The following IFI44 variants were observed in gnomAD, a reference collection of about 807,000 sequenced individuals.
IFI44 encodes interferon-induced protein 44.
In IFI44, 42 loss-of-function variants were observed where a neutral mutation model predicts 45.0. The observed-to-expected ratio is 0.93, with a 90% CI of 0.73 to 1.21. The LOEUF is 1.21. Ranked by LOEUF, IFI44 falls within the 50% of genes most tolerant of loss-of-function variation. IFI44 has a pLI of 0.00. For synonymous variants in IFI44, 221 were observed against 188.6 expected, an observed-to-expected ratio of 1.17 and a Z score of -1.41; for missense variants, 623 against 525.8, an observed-to-expected ratio of 1.18 and a Z score of -1.81.
chr1:78,661,454 T>A (rs1248330515), intron 7 of IFI44, among the ~76,000 whole-genome samples: 1 of 152,074 alleles, frequency 6.6e-6, no homozygotes, highest in Non-Finnish European at 1.5e-5. Context: ...TACACTGACA[T>A]GGGTAAGTTC....
intron 3 of IFI44, among the ~76,000 whole-genome samples, chr1:78,654,558 A>G (rs1397050962): frequency 6.6e-6 from 1 of 152,074 alleles, no homozygotes; most frequent in East Asian, 1.9e-4. Flanking sequence ...TTAATATTTC[A>G]ACTACTCTAG....
chr1:78,653,436 A>G (rs1022149969), intron 2 of IFI44, among the ~76,000 whole-genome samples: 2 of 152,154 alleles, frequency 1.3e-5, no homozygotes, highest in African/African-American at 2.4e-5. Flanking sequence ...TGAAGTTTTC[A>G]TAATTTCTAC....
chr1:78,654,274 C>T lies in IFI44; in HGVS notation c.489C>T (p.Val163=), dbSNP rs1211868868. The change falls in exon 3 of 9, where the codon GTC becomes GTT. Residue 163 remains valine (V), a synonymous_variant. Coordinates refer to ENST00000370747, the MANE Select transcript of IFI44 (RefSeq NM_006417.5). ...DSLDERKIKG[V]IELRKSLLSA... Reference sequence around the variant, plus strand: ...TGGATGAAAGAAAGATAAAAGGGGTCATTGAGTAAGTCAATGTTTTTAAGA... The same window carrying T: ...TGGATGAAAGAAAGATAAAAGGGGTTATTGAGTAAGTCAATGTTTTTAAGA... 6 of 1,470,760 alleles carry T rather than the reference C, an allele frequency of 4.1e-6. No individual in the cohort carries two copies. Among genetic ancestry groups the T allele is most frequent in the Admixed American group, 1.7e-5 (1 of 59,436 alleles). 91.1% of individuals were successfully genotyped at this position (1,470,760 alleles called of 1,614,324 possible).
At chr1:78,660,680 A>G (rs1647399428) in intron 7 of IFI44, 26 bp downstream of exon 7, 2 of 1,426,440 alleles carry the variant, frequency 1.4e-6, no homozygotes, top group Non-Finnish European at 2.0e-6. Flanking sequence ...CTTCGTAAAC[A>G]CATTTTCTGG....
intron 2 of IFI44, among the ~76,000 whole-genome samples, chr1:78,651,422 G>A (rs1487694678): frequency 1.3e-5 from 2 of 151,958 alleles, no homozygotes; most frequent in Non-Finnish European, 2.9e-5. Context: ...ATCTAATTCC[G>A]CCACCGATCT....
intron 6 of IFI44, 86 bp downstream of exon 6, chr1:78,659,569 A>C (rs1647335467): frequency 2.0e-6 from 2 of 1,021,348 alleles, no homozygotes; most frequent in Non-Finnish European, 2.8e-6. Context: ...GGACAGGATA[A>C]AGAACTTAAG....
chr1:78,658,095 T>C (rs1368262678), intron 5 of IFI44, among the ~76,000 whole-genome samples: 4 of 152,080 alleles, frequency 2.6e-5, no homozygotes, highest in Admixed American at 6.6e-5. Flanking sequence ...AAAAATAAAT[T>C]ATAAACTTAT....
chr1:78,651,635 T>C (rs981002340), intron 2 of IFI44, among the ~76,000 whole-genome samples: 1 of 152,158 alleles, frequency 6.6e-6, no homozygotes, highest in Non-Finnish European at 1.5e-5. Flanking sequence ...GTACAGTAGA[T>C]CTCTGGGACT....
In IFI44 at chr1:78,659,379, G is replaced by T. The variant is rs141237245; in HGVS notation, c.908G>T (p.Arg303Ile). ...DYIDSPSLKD[R>I]IHCVAFVFDA... ...ATTGATTCCCCATCGCTGAAGGACA[G>T]AATTCATTGTGTGGCATTTGTATTT... The change falls in exon 6 of 9, where the codon AGA becomes ATA. Residue 303 changes from arginine (R) to isoleucine (I), a missense_variant. Physicochemically the swap from Arg to Ile is moderately conservative, Grantham distance 97. Transcript: ENST00000370747. The T allele has an allele frequency of 2.3e-4, 370 of 1,613,212 alleles. 2 individuals carry two copies. In the African/African-American group the frequency reaches 4.5e-3, roughly 19 times the overall value.
chr1:78,660,533 A>T lies in IFI44; in HGVS notation c.1013-21A>T, dbSNP rs779252152. ...ATACTGATGCTCTCTAAAATGATTT[A>T]AAAAATTCTGTTTGGCATAGGTGTG... On this transcript the variant is annotated intron_variant, in intron 6 of 8. Transcript: ENST00000370747. 1.7e-5 allele frequency: 27 copies of T among 1,558,702 alleles called. No individual in the cohort carries two copies. In the East Asian group the frequency reaches 1.8e-4, roughly 10 times the overall value.
intron 7 of IFI44, among the ~76,000 whole-genome samples, chr1:78,661,385 G>A (rs1358470378): frequency 6.6e-6 from 1 of 151,768 alleles, no homozygotes; most frequent in Non-Finnish European, 1.5e-5. Flanking sequence ...TTTTTTTTGA[G>A]CCTTAGTTGA....
Position 78,650,180 on chromosome 1 carries a change from C to T in IFI44, c.-10-6C>T. On this transcript the variant is annotated splice_region_variant and splice_polypyrimidine_tract_variant and intron_variant, in intron 1 of 8. Transcript: ENST00000370747. ...TTAATGGAAAATATATATGATTTGC[C>T]ACTAGATCAAGAAGTATGGCAGTGA... 1 of 1,562,518 alleles carries T rather than the reference C, an allele frequency of 6.4e-7. No individual in the cohort carries two copies. Among genetic ancestry groups the T allele is most frequent in the South Asian group, 1.2e-5 (1 of 84,076 alleles).
chr1:78,650,225 G>A lies in IFI44; in HGVS notation c.30G>A (p.Leu10=). ...CAGTGACAACTCGTTTGACATGGTT[G>A]CACGAAAAGATCCTGCAAAATCATT... MAVTTRLTW[L]HEKILQNHFG... The change falls in exon 2 of 9, where the codon TTG becomes TTA. Residue 10 remains leucine, a synonymous_variant. Transcript: ENST00000370747. 3 of 1,606,212 alleles carry A rather than the reference G, an allele frequency of 1.9e-6. No individual in the cohort carries two copies. The South Asian group carries it at 3.3e-5, about 18-fold the overall frequency.
intron 5 of IFI44, among the ~76,000 whole-genome samples, 165 bp downstream of exon 5, chr1:78,655,676 T>C (rs1401142442): frequency 2.6e-5 from 4 of 152,184 alleles, no homozygotes. Flanking sequence ...TCTTCCATCA[T>C]GGCTATCTTA....
chr1:78,660,916 T>C, intron 7 of IFI44: 1 of 445,960 alleles, frequency 2.2e-6, no homozygotes, highest in Non-Finnish European at 4.1e-6. Flanking sequence ...ATATAACCTA[T>C]GCACATCCTT....
chr1:78,655,484 GAACGGT>G lies in IFI44; in HGVS notation c.817_822del (p.Gly273_Asn274del). The G allele has an allele frequency of 6.2e-7, 1 of 1,611,252 alleles. No homozygotes were observed. On this transcript the variant is annotated inframe_deletion, in exon 5 of 9. Transcript: ENST00000370747. The stretch of plus-strand genomic sequence containing the variant: ...GCAGGGATGACATATTCTATATCTT[GAACGGT>G]AACATTCGTGATAGATACCAGGTAA...
At chr1:78,660,433 T>G in intron 6 of IFI44, 121 bp from the exon 7 acceptor site, 1 of 682,420 alleles carries the variant, frequency 1.5e-6, no homozygotes, top group South Asian at 1.9e-5. Flanking sequence ...GTGACCGGGG[T>G]GTGGGGGATC....
At chr1:78,654,579 T>C (rs937590813) in intron 3 of IFI44, among the ~76,000 whole-genome samples, 3 of 152,034 alleles carry the variant, frequency 2.0e-5, no homozygotes, top group Admixed American at 6.6e-5. Flanking sequence ...AGAGTTGCTG[T>C]AGAAGAAGTG....
At chr1:78,654,695 C>T (rs1304114310) in intron 3 of IFI44, among the ~76,000 whole-genome samples, 1 of 151,712 alleles carries the variant, frequency 6.6e-6, no homozygotes, top group Non-Finnish European at 1.5e-5. Context: ...ATATATGTGA[C>T]ACAATATATA....
Sources: allele counts gnomAD v4.1 joint callset (sites outside exome capture counted in the v4.1 genomes callset), GRCh38; gene constraint gnomAD v4.1.1; transcripts MANE v1.5; gene names NCBI Gene and HGNC (gene_info 2026-07-23, HGNC 2026-07-21).